The following PLEKHH1 variants were observed in gnomAD, a reference collection of about 807,000 sequenced individuals.
PLEKHH1 encodes the protein pleckstrin homology, MyTH4 and FERM domain containing H1.
PLEKHH1 carries 104 observed loss-of-function variants against 160.0 expected under a neutral mutation model. The ratio of observed to expected loss-of-function variants is 0.65; its 90% CI spans 0.55 to 0.76. PLEKHH1 has a LOEUF of 0.76. PLEKHH1 is among the 30% of genes least tolerant of loss of function. The pLI is 0.00. For synonymous variants in PLEKHH1, 619 were observed against 678.4 expected (o/e 0.91, Z 1.36); for missense variants, 1,427 against 1,724.1 (o/e 0.83, Z 3.05).
chr14:67,566,895 C>T (rs997829993), intron 7 of PLEKHH1, among the ~76,000 whole-genome samples: 4 of 152,042 alleles, frequency 2.6e-5, no homozygotes, highest in Admixed American at 6.6e-5. Context: ...TATCAGATGA[C>T]GTTCTCCCCA....
intron 2 of PLEKHH1, among the ~76,000 whole-genome samples, chr14:67,554,280 G>A (rs2034508899): frequency 6.6e-6 from 1 of 152,190 alleles, no homozygotes. Context: ...AATTTCAGCT[G>A]AGAGATTGGG....
chr14:67,575,880 T>G lies in PLEKHH1; in HGVS notation c.2227T>G (p.Cys743Gly), dbSNP rs771225646. ...DAHIEEVDRS[C>G]DSDEDYEAGG... ...GCACATAGAGGAAGTAGATCGATCC[T>G]GTGACTCAGACGAGGACTATGAGGC... is the stretch of plus-strand genomic sequence containing the variant. Residue 743 changes from cysteine (C) to glycine (G), a missense_variant, in exon 16 of 29, where the codon TGT (cysteine) becomes GGT (glycine). Cys to Gly is a radical substitution (Grantham distance 159). Coordinates refer to ENST00000329153, the MANE Select transcript of PLEKHH1 (RefSeq NM_020715.3). 6.2e-7 allele frequency: 1 copy of G among 1,613,946 alleles called. No individual in the cohort carries two copies. The highest frequency in any genetic ancestry group is 8.5e-7 in the Non-Finnish European group (1 of 1,179,822).
chr14:67,557,328 G>C lies in PLEKHH1; in HGVS notation c.249G>C (p.Gly83=). Residue 83 remains glycine, a synonymous_variant, in exon 4 of 29, where the codon GGG becomes GGC. Transcript: ENST00000329153. ...LSNLKNVDSE[G]SLHRKYQELL... is the part of the protein sequence containing the mutation. ...ATCTGAAGAATGTGGACTCTGAGGG[G>C]AGCCTGCACCGGAAATACCAAGAAT... The C allele has an allele frequency of 6.2e-7, 1 of 1,613,792 alleles. No individual in the cohort carries two copies. The highest frequency in any genetic ancestry group is 8.5e-7 in the Non-Finnish European group (1 of 1,179,664).
chr14:67,543,425 G>GGC (rs1566723928), intron 2 of PLEKHH1, among the ~76,000 whole-genome samples: 6 of 152,190 alleles, frequency 3.9e-5, no homozygotes, highest in African/African-American at 1.4e-4. Context: ...CGATAGAAAG[G>GGC]AATGAATATA....
intron 2 of PLEKHH1, among the ~76,000 whole-genome samples, chr14:67,550,176 A>T (rs2034341542): frequency 6.6e-6 from 1 of 152,056 alleles, no homozygotes. Flanking sequence ...AAAAAAATTG[A>T]AAACCATTGT....
At chr14:67,552,453 TCA>T (rs1217238915) in intron 2 of PLEKHH1, among the ~76,000 whole-genome samples, 1 of 152,210 alleles carries the variant, frequency 6.6e-6, no homozygotes, top group Non-Finnish European at 1.5e-5. Flanking sequence ...GCTTTGAGTG[TCA>T]AGTGTCCTTG....
Position 67,586,089 on chromosome 14 carries a change from G to A in PLEKHH1, c.3925G>A (p.Ala1309Thr). ...TGAGAAGTTGATCTTCCGGATGGCT[G>A]CTCCCAAGGTAGGTCTGACAGCTGT... The part of the protein sequence containing the change: ...HIEKLIFRMA[A>T]PKIAEATFIM... Residue 1309 changes from alanine (A) to threonine (T), a missense_variant, in exon 28 of 29, where the codon GCT (alanine) becomes ACT (threonine). Transcript: ENST00000329153. 4 of 1,613,826 alleles carry A rather than the reference G, an allele frequency of 2.5e-6. No homozygotes were observed. Among genetic ancestry groups the A allele is most frequent in the Non-Finnish European group, 3.4e-6 (4 of 1,179,836 alleles).
intron 7 of PLEKHH1, 34 bp downstream of exon 7, chr14:67,562,928 A>C: frequency 6.3e-7 from 1 of 1,592,090 alleles, no homozygotes; most frequent in Non-Finnish European, 8.5e-7. Flanking sequence ...GCAGAGGAGC[A>C]GAGCTAATGG....
chr14:67,540,581 G>A (rs1457169106), intron 1 of PLEKHH1, among the ~76,000 whole-genome samples: 1 of 149,898 alleles, frequency 6.7e-6, no homozygotes, highest in Non-Finnish European at 1.5e-5. Context: ...AGCCAAAATT[G>A]CACCATTGTA....
chr14:67,578,743 G>A lies in PLEKHH1; in HGVS notation c.2849+112G>A, dbSNP rs949661745. On this transcript the variant is annotated intron_variant, in intron 20 of 28. Transcript: ENST00000329153. The surrounding 1 kb of genome is among the most constrained non-coding windows in gnomAD (Gnocchi z 5.0). The stretch of plus-strand genomic sequence containing the variant: ...CAGATCACTCCTGTCCTCTGAAACC[G>A]CTCAGTGGTCGTGGAGACTTCACCC... 94 of 739,736 alleles carry A rather than the reference G, an allele frequency of 1.3e-4. No homozygotes were observed. Among genetic ancestry groups the A allele is most frequent in the Admixed American group, 7.1e-4 (35 of 49,296 alleles). 45.8% of individuals were successfully genotyped at this position (739,736 alleles called of 1,614,324 possible).
intron 7 of PLEKHH1, among the ~76,000 whole-genome samples, chr14:67,565,572 C>T (rs1457374196): frequency 2.0e-5 from 3 of 152,214 alleles, no homozygotes; most frequent in Non-Finnish European, 4.4e-5. Context: ...GCCCAGCTCT[C>T]ACATTCCAGC....
At position 67,571,828 on chromosome 14, in the gene PLEKHH1, G is replaced by T; in HGVS notation, c.1511G>T (p.Ser504Ile). 1 of 1,613,946 alleles carries T rather than the reference G, an allele frequency of 6.2e-7. No homozygotes were observed. The highest frequency in any genetic ancestry group is 1.1e-5 in the South Asian group (1 of 91,080). The change falls in exon 10 of 29, where the codon AGT becomes ATT. Residue 504 changes from serine (S) to isoleucine (I), a missense_variant. Ser to Ile is a moderately radical substitution (Grantham distance 142). Transcript: ENST00000329153. ...GSDDDCSSQASFRISVPSSES... is the reference protein window; with the variant it reads ...GSDDDCSSQAIFRISVPSSES... ...GACGATGACTGCAGCTCTCAGGCGA[G>T]TTTCCGAATCTCGGTCCCCTCCTCT...
rs779100816 is a variant in PLEKHH1, at chr14:67,587,075, T to C, written c.3935T>C (p.Ile1312Thr). The change falls in exon 29 of 29, where the codon ATT becomes ACT. Residue 1312 changes from isoleucine (I) to threonine (T), a missense_variant and splice_region_variant. By Grantham distance (89) the Ile-to-Thr change is moderately conservative. Transcript: ENST00000329153. The stretch of plus-strand genomic sequence containing the variant: ...TTCACATCTCTGACCTCCTCTTAGA[T>C]TGCAGAAGCTACCTTCATCATGGCC... ...KLIFRMAAPK[I>T]AEATFIMASY... 1.3e-6 allele frequency: 2 copies of C among 1,598,776 alleles called. No individual in the cohort carries two copies. Among genetic ancestry groups the C allele is most frequent in the Non-Finnish European group, 1.7e-6 (2 of 1,171,838 alleles).
intron 2 of PLEKHH1, among the ~76,000 whole-genome samples, chr14:67,554,454 G>A (rs957523981): frequency 1.3e-5 from 2 of 152,142 alleles, no homozygotes; most frequent in African/African-American, 4.8e-5. Context: ...TGGAAGGCGT[G>A]GCTGGGATGC....
At chr14:67,584,280 C>T (rs932270429) in intron 26 of PLEKHH1, among the ~76,000 whole-genome samples, 156 bp downstream of exon 26, 2 of 152,190 alleles carry the variant, frequency 1.3e-5, no homozygotes, top group African/African-American at 4.8e-5. Context: ...TTTCCACAGT[C>T]CAGAGCAGAA....
Position 67,573,267 on chromosome 14 carries a change from A to G in PLEKHH1, c.1729-9A>G. The G allele has an allele frequency of 6.3e-7, 1 of 1,576,424 alleles. No homozygotes were observed. The highest frequency in any genetic ancestry group is 2.2e-5 in the East Asian group (1 of 44,730). On this transcript the variant is annotated splice_polypyrimidine_tract_variant and intron_variant, in intron 11 of 28. Transcript: ENST00000329153. This position sits in a 1 kb window ranked among gnomAD's most constrained non-coding sequence, Gnocchi z 4.8. ...CCCCTTTCTTCATCTACACCCTTCCACCCCTCAGGAGTCACTGGAGAAGTC... is the reference window on the plus strand; with the variant it reads ...CCCCTTTCTTCATCTACACCCTTCCGCCCCTCAGGAGTCACTGGAGAAGTC...
chr14:67,546,549 C>A lies in PLEKHH1; in HGVS notation c.126+4556C>A, dbSNP rs911204804. ...GGGATTACAGGCGCGCGCCACCACG[C>A]CCAGCTAATTTTGTATTTTTGGTAG... On this transcript the variant is annotated intron_variant, in intron 2 of 28. Transcript: ENST00000329153. Among the ~76,000 whole-genome samples, 12 of 152,220 alleles carry A rather than the reference C, an allele frequency of 7.9e-5. No individual in the cohort carries two copies. In the East Asian group the frequency reaches 2.3e-3, roughly 29 times the overall value.
chr14:67,576,629 G>C lies in PLEKHH1; in HGVS notation c.2461+126G>C. The C allele has an allele frequency of 1.8e-6, 1 of 554,440 alleles. No individual in the cohort carries two copies. Among genetic ancestry groups the C allele is most frequent in the Non-Finnish European group, 3.2e-6 (1 of 308,774 alleles). 34.3% of individuals were successfully genotyped at this position (554,440 alleles called of 1,614,324 possible). The stretch of plus-strand genomic sequence containing the variant: ...TTTAAAACATCTAAGCCACAGAGGG[G>C]AAGTTCCCATCCAAGCTCCAGGGCC... On this transcript the variant is annotated intron_variant, in intron 17 of 28. Coordinates refer to ENST00000329153, the MANE Select transcript of PLEKHH1 (RefSeq NM_020715.3). The surrounding 1 kb of genome is among the most constrained non-coding windows in gnomAD (Gnocchi z 4.0).
Position 67,559,501 on chromosome 14 carries a change from C to T in PLEKHH1, c.340-107C>T, listed in dbSNP as rs879169064. 79 of 693,072 alleles carry T rather than the reference C, an allele frequency of 1.1e-4. 1 individual carries two copies. The highest frequency in any genetic ancestry group is 8.6e-4 in the South Asian group (52 of 60,452). 42.9% of individuals were successfully genotyped at this position (693,072 alleles called of 1,614,324 possible). On this transcript the variant is annotated intron_variant, in intron 4 of 28. Transcript: ENST00000329153. ...AAACGATTTCTGCTCACTGGCTTTG[C>T]GAGGTCAGTGGCACGCACACTTGGC...
Sources: gnomAD v4.1 joint callset for allele counts (sites outside exome capture counted in the v4.1 genomes callset) on GRCh38, gnomAD v4.1.1 for gene constraint, Gnocchi (gnomAD v3.1) non-coding constraint, MANE v1.5 for transcripts, NCBI Gene and HGNC (gene_info 2026-07-23, HGNC 2026-07-21) for gene names.